Variants in VWC2L observed in about 807,000 individuals in gnomAD.
VWC2L encodes von Willebrand factor C domain-containing protein 2-like.
VWC2L carries 10 observed loss-of-function variants against 21.6 expected under a neutral mutation model. The ratio of observed to expected loss-of-function variants is 0.46; its 90% CI spans 0.29 to 0.78. VWC2L has a LOEUF of 0.78. VWC2L is among the 30% of genes least tolerant of loss of function. The pLI, the probability that VWC2L is intolerant of heterozygous loss-of-function variation, is 0.10. For missense variants in VWC2L, 209 were observed against 277.1 expected, an observed-to-expected ratio of 0.75 and a Z score of 1.74; for synonymous variants, 96 against 94.3, an observed-to-expected ratio of 1.02 and a Z score of -0.10.
chr2:214,462,304 G>A (rs989173981), intron 3 of VWC2L, among the ~76,000 whole-genome samples: 8 of 152,214 alleles, frequency 5.3e-5, no homozygotes, highest in African/African-American at 1.9e-4. Context: ...TGGGCCACTT[G>A]GGATCTCTTA....
At chr2:214,571,117 C>T (rs1690143244) in intron 3 of VWC2L, among the ~76,000 whole-genome samples, 1 of 152,194 alleles carries the variant, frequency 6.6e-6, no homozygotes, top group Non-Finnish European at 1.5e-5. Flanking sequence ...TTTCTAGCCA[C>T]ATCAAATTTC....
At chr2:214,454,928 A>T (rs1392572385) in intron 3 of VWC2L, among the ~76,000 whole-genome samples, 2 of 152,044 alleles carry the variant, frequency 1.3e-5, no homozygotes, top group Non-Finnish European at 2.9e-5. Flanking sequence ...TCCTGAGATA[A>T]ACTGCACTTG....
intron 3 of VWC2L, among the ~76,000 whole-genome samples, chr2:214,559,038 G>C (rs1689921854): frequency 7.4e-6 from 1 of 134,988 alleles, no homozygotes; most frequent in Non-Finnish European, 1.5e-5. Context: ...CACCCCATCA[G>C]AGTGAACAGG....
chr2:214,551,037 T>G (rs1378511607), intron 3 of VWC2L, among the ~76,000 whole-genome samples: 1 of 152,152 alleles, frequency 6.6e-6, no homozygotes, highest in Non-Finnish European at 1.5e-5. Flanking sequence ...CAACAAAAAT[T>G]AGCAGAACAG....
At chr2:214,488,511 A>G (rs1688702551) in intron 3 of VWC2L, among the ~76,000 whole-genome samples, 1 of 152,100 alleles carries the variant, frequency 6.6e-6, no homozygotes, top group Admixed American at 6.6e-5. Flanking sequence ...AGGCAGGAGG[A>G]TCACTTGAGC....
chr2:214,444,872 G>T (rs1349680948), intron 3 of VWC2L, among the ~76,000 whole-genome samples: 2 of 151,810 alleles, frequency 1.3e-5, no homozygotes, highest in Non-Finnish European at 1.5e-5. Context: ...ATTTAAGTTG[G>T]ATTAAAATTC....
intron 3 of VWC2L, among the ~76,000 whole-genome samples, chr2:214,566,624 C>T (rs1690066859): frequency 6.6e-6 from 1 of 152,076 alleles, no homozygotes; most frequent in African/African-American, 2.4e-5. Flanking sequence ...GGAAGTAACA[C>T]AGGGATGAGT....
intron 3 of VWC2L, among the ~76,000 whole-genome samples, chr2:214,470,734 C>T (rs1216173817): frequency 6.6e-6 from 1 of 151,556 alleles, no homozygotes; most frequent in African/African-American, 2.4e-5. Context: ...TGTAGTGAAA[C>T]CCCATCTCTA....
intron 3 of VWC2L, among the ~76,000 whole-genome samples, chr2:214,565,066 C>A (rs1291469107): frequency 6.6e-6 from 1 of 152,150 alleles, no homozygotes; most frequent in Non-Finnish European, 1.5e-5. Context: ...TCTTATTCAA[C>A]AATAACTCAT....
intron 3 of VWC2L, among the ~76,000 whole-genome samples, chr2:214,548,023 G>A (rs1689737086): frequency 6.6e-6 from 1 of 152,198 alleles, no homozygotes; most frequent in Non-Finnish European, 1.5e-5. Flanking sequence ...GTTTCACACT[G>A]AGTCATGCAA....
chr2:214,541,475 T>A (rs1409100117), intron 3 of VWC2L, among the ~76,000 whole-genome samples: 3 of 152,202 alleles, frequency 2.0e-5, no homozygotes, highest in Admixed American at 6.6e-5. Flanking sequence ...GAATAGGAAC[T>A]CAAACATTTG....
At chr2:214,501,865 G>A (rs1196927033) in intron 3 of VWC2L, among the ~76,000 whole-genome samples, 3 of 152,142 alleles carry the variant, frequency 2.0e-5, no homozygotes, top group Non-Finnish European at 4.4e-5. Flanking sequence ...CACGAGGAAA[G>A]GTCACTTACA....
At chr2:214,564,366 T>C (rs1435521627) in intron 3 of VWC2L, among the ~76,000 whole-genome samples, 4 of 152,108 alleles carry the variant, frequency 2.6e-5, no homozygotes, top group Admixed American at 2.0e-4. Context: ...GGGAAGACAA[T>C]CCTAAACAAA....
At chr2:214,545,059 T>C (rs1429604949) in intron 3 of VWC2L, among the ~76,000 whole-genome samples, 1 of 152,016 alleles carries the variant, frequency 6.6e-6, no homozygotes, top group Non-Finnish European at 1.5e-5. Flanking sequence ...AATCTCAATC[T>C]CCAGAAATTC....
rs1690274469 is a variant in VWC2L, at chr2:214,578,910, T to C, written c.*3090T>C. 1 of 151,974 alleles carries C rather than the reference T, an allele frequency of 6.6e-6. No homozygotes were observed. The highest frequency in any genetic ancestry group is 2.4e-5 in the African/African-American group (1 of 41,412). The allele number at this position is 151,974 out of a possible 1,614,324, so 9.4% of individuals were successfully genotyped here. ...AAAAAGGGGATTCTAGCAACAATAT[T>C]TGATGTGTAAAAGAATATATTATTA... On this transcript the variant is annotated 3_prime_UTR_variant, in exon 4 of 4. Coordinates refer to ENST00000312504, the MANE Select transcript of VWC2L (RefSeq NM_001080500.4).
intron 3 of VWC2L, among the ~76,000 whole-genome samples, chr2:214,471,702 A>G (rs1293653258): frequency 1.3e-5 from 2 of 152,246 alleles, no homozygotes; most frequent in East Asian, 1.9e-4. Context: ...TGTCAGTAAT[A>G]AACTCTATTA....
At chr2:214,437,085 C>CA (rs1559290568) in intron 3 of VWC2L, among the ~76,000 whole-genome samples, 2 of 151,988 alleles carry the variant, frequency 1.3e-5, no homozygotes, top group African/African-American at 4.8e-5. Flanking sequence ...TTTGTAGAGC[C>CA]AATGAAGCAG....
chr2:214,536,428 C>T (rs1312014843), intron 3 of VWC2L, among the ~76,000 whole-genome samples: 1 of 152,070 alleles, frequency 6.6e-6, no homozygotes, highest in Admixed American at 6.6e-5. Context: ...TACTTTTCAG[C>T]CAGCTAGGAA....
At chr2:214,483,675 G>A (rs1457087539) in intron 3 of VWC2L, among the ~76,000 whole-genome samples, 1 of 152,162 alleles carries the variant, frequency 6.6e-6, no homozygotes, top group East Asian at 1.9e-4. Context: ...AAAAATAACA[G>A]TACGTGTGCT....
Sources: allele counts gnomAD v4.1 joint callset (sites outside exome capture counted in the v4.1 genomes callset), GRCh38; gene constraint gnomAD v4.1.1; transcripts MANE v1.5; gene names NCBI Gene and HGNC (gene_info 2026-07-23, HGNC 2026-07-21).